The following SPATS2 variants were observed in gnomAD, a reference collection of about 807,000 sequenced individuals.
SPATS2 encodes spermatogenesis associated serine rich 2, also known as spermatogenesis-associated serine-rich protein 2.
A neutral mutation model predicts 63.7 loss-of-function variants in SPATS2; 38 were observed. The ratio of observed to expected loss-of-function variants is 0.60; its 90% CI spans 0.46 to 0.78. SPATS2 has a LOEUF of 0.78. Among genes scored for constraint, SPATS2 ranks in the 30% least tolerant of loss-of-function variants. The probability of loss-of-function intolerance (pLI) is 0.00; values close to 1 mark genes in which losing one functional copy is unlikely to be tolerated. For missense variants in SPATS2, 588 were observed against 666.2 expected (o/e 0.88, Z 1.29); for synonymous variants, 207 against 232.9 (o/e 0.89, Z 1.01).
intron 2 of SPATS2, among the ~76,000 whole-genome samples, chr12:49,423,391 C>T (rs1945018199): frequency 6.6e-6 from 1 of 152,154 alleles, no homozygotes; most frequent in Non-Finnish European, 1.5e-5. Context: ...CTTGATCTCC[C>T]ACAGTGCTAG....
At chr12:49,471,755 A>G (rs1946037585) in intron 3 of SPATS2, among the ~76,000 whole-genome samples, 1 of 152,184 alleles carries the variant, frequency 6.6e-6, no homozygotes, top group African/African-American at 2.4e-5. Flanking sequence ...CTGAAACTCT[A>G]TACCCATTAA....
intron 3 of SPATS2, among the ~76,000 whole-genome samples, chr12:49,465,856 A>G (rs1945905112): frequency 6.6e-6 from 1 of 152,100 alleles, no homozygotes; most frequent in South Asian, 2.1e-4. Flanking sequence ...AGGCAGGAGA[A>G]TCACTTGAAC....
chr12:49,476,940 T>C (rs1946129028), intron 3 of SPATS2, among the ~76,000 whole-genome samples: 2 of 152,122 alleles, frequency 1.3e-5, no homozygotes, highest in African/African-American at 4.8e-5. Flanking sequence ...ACCTTGTTTC[T>C]ACTAAAAATA....
intron 2 of SPATS2, among the ~76,000 whole-genome samples, chr12:49,435,833 T>C (rs897071575): frequency 6.0e-5 from 9 of 149,756 alleles, no homozygotes; most frequent in Non-Finnish European, 1.2e-4. Context: ...GATTAGGGAG[T>C]GGTGATGACT....
At chr12:49,413,912 A>G (rs150390098) in intron 2 of SPATS2, among the ~76,000 whole-genome samples, 302 of 152,274 alleles carry the variant, frequency 2.0e-3, no homozygotes, top group African/African-American at 6.7e-3. Flanking sequence ...ATGGGTCCAC[A>G]GCAATTCTGA....
intron 6 of SPATS2, among the ~76,000 whole-genome samples, chr12:49,492,319 A>G (rs1946396081): frequency 6.6e-6 from 1 of 151,130 alleles, no homozygotes; most frequent in South Asian, 2.1e-4. Flanking sequence ...TCCTGGGTTC[A>G]AGTAATTCTC....
chr12:49,519,724 A>G (rs1401722702), intron 11 of SPATS2, among the ~76,000 whole-genome samples: 1 of 152,042 alleles, frequency 6.6e-6, no homozygotes, highest in Non-Finnish European at 1.5e-5. Flanking sequence ...GCCCTCAAGC[A>G]GAGGCTGGAG....
At chr12:49,439,281 G>C (rs1455128600) in intron 2 of SPATS2, among the ~76,000 whole-genome samples, 1 of 152,140 alleles carries the variant, frequency 6.6e-6, no homozygotes, top group African/African-American at 2.4e-5. Context: ...CCAGTTCCAG[G>C]GGCCAGGTCA....
At chr12:49,428,144 A>G (rs1268534658) in intron 2 of SPATS2, among the ~76,000 whole-genome samples, 6 of 152,110 alleles carry the variant, frequency 3.9e-5, no homozygotes, top group Non-Finnish European at 8.8e-5. Flanking sequence ...AGTCCCAGCT[A>G]CTTGGGAGGC....
At chr12:49,439,538 C>A (rs184481576) in intron 2 of SPATS2, among the ~76,000 whole-genome samples, 2 of 152,082 alleles carry the variant, frequency 1.3e-5, no homozygotes, top group Non-Finnish European at 2.9e-5. Flanking sequence ...ACTTGCTGAT[C>A]GTTTGGTTGT....
intron 8 of SPATS2, among the ~76,000 whole-genome samples, 186 bp from the exon 9 acceptor site, chr12:49,499,884 A>AT (rs1226099458): frequency 1.3e-5 from 2 of 152,166 alleles, no homozygotes; most frequent in Non-Finnish European, 2.9e-5. Flanking sequence ...TTATTATTCC[A>AT]TCTTGACCAG....
In SPATS2 at chr12:49,490,665, AT is replaced by A; in HGVS notation, c.215-15del. 6.2e-7 allele frequency: 1 copy of A among 1,613,500 alleles called. No homozygotes were observed. Among genetic ancestry groups the A allele is most frequent in the East Asian group, 2.2e-5 (1 of 44,864 alleles). On this transcript the variant is annotated splice_polypyrimidine_tract_variant and intron_variant, in intron 5 of 13. Coordinates refer to ENST00000552918, the MANE Select transcript of SPATS2 (RefSeq NM_023071.4). ...TGTGTGGTAGGAGACAAAATCTGTA[AT>A]TGGTTTCTCTTACAGGTAGTGCCAG... is the stretch of plus-strand genomic sequence containing the variant.
At position 49,489,504 on chromosome 12, in the gene SPATS2, A is replaced by G. The variant is rs1946349367; in HGVS notation, c.145A>G (p.Asn49Asp). The G allele has an allele frequency of 6.2e-7, 1 of 1,613,802 alleles. No homozygotes were observed. The highest frequency in any genetic ancestry group is 1.1e-5 in the South Asian group (1 of 91,070). Residue 49 changes from asparagine (N) to aspartate (D), a missense_variant, in exon 5 of 14, where the codon AAT (asparagine) becomes GAT (aspartate). Transcript: ENST00000552918. ...TGCAATAGTTCCTAATAAGAGCAAC[A>G]ATGAAATTATCCTGGTTTTGCAGCA... ...VRAIVPNKSN[N>D]EIILVLQHFD... is the part of the protein sequence containing the mutation.
chr12:49,380,361 G>A (rs907187837), intron 2 of SPATS2, among the ~76,000 whole-genome samples: 3 of 151,846 alleles, frequency 2.0e-5, no homozygotes, highest in Non-Finnish European at 4.4e-5. Context: ...ATACTAGTCC[G>A]TTGTTCAGAT....
chr12:49,456,692 T>C (rs1391245427), intron 2 of SPATS2, among the ~76,000 whole-genome samples: 1 of 152,176 alleles, frequency 6.6e-6, no homozygotes, highest in Non-Finnish European at 1.5e-5. Flanking sequence ...GCTCTGGATG[T>C]ATTTTAAAGG....
chr12:49,494,133 A>G (rs1946427511), intron 6 of SPATS2, among the ~76,000 whole-genome samples: 1 of 152,188 alleles, frequency 6.6e-6, no homozygotes, highest in South Asian at 2.1e-4. Flanking sequence ...GAGTATGTGC[A>G]TTTGTAATTT....
At chr12:49,513,554 G>A (rs966889770) in intron 9 of SPATS2, among the ~76,000 whole-genome samples, 4 of 151,994 alleles carry the variant, frequency 2.6e-5, no homozygotes, top group African/African-American at 9.7e-5. Context: ...TATTTGCAGT[G>A]GAAAAAATTC....
chr12:49,436,904 G>A lies in SPATS2; in HGVS notation c.-243-23866G>A, dbSNP rs1246260708. On this transcript the variant is annotated intron_variant, in intron 2 of 13. Transcript: ENST00000552918. ...TCCCGGACGGGGCGGCTGGCCGGGC[G>A]GGGGGATGACCCCCCCACCTCCCTC... is the stretch of plus-strand genomic sequence containing the variant. Among the ~76,000 whole-genome samples, 8 of 143,566 alleles carry A rather than the reference G, an allele frequency of 5.6e-5. No homozygotes were observed. In the East Asian group the frequency reaches 1.7e-3, roughly 31 times the overall value. The allele number at this position is 143,566 out of a possible 152,430, so 94.2% of individuals were successfully genotyped here. A position where few individuals can be genotyped will look rare whatever the true frequency, so the allele number is the denominator to read the frequency against.
chr12:49,436,266 G>A (rs1416945063), intron 2 of SPATS2, among the ~76,000 whole-genome samples: 52 of 144,592 alleles, frequency 3.6e-4, no homozygotes, highest in Non-Finnish European at 4.3e-4. Flanking sequence ...CTGGCCGGGC[G>A]GGGGGCTGAC....
Sources: gnomAD v4.1 joint callset for allele counts (sites outside exome capture counted in the v4.1 genomes callset) on GRCh38, gnomAD v4.1.1 for gene constraint, MANE v1.5 for transcripts, NCBI Gene and HGNC (gene_info 2026-07-23, HGNC 2026-07-21) for gene names.